Variants in GALNT18 observed in about 807,000 individuals in gnomAD.
GALNT18 encodes GalNAc-transferase 18.
In GALNT18, 44 loss-of-function variants were observed where a neutral mutation model predicts 69.5. The observed-to-expected ratio is 0.63, with a 90% CI of 0.50 to 0.81. The LOEUF is 0.81. Among genes scored for constraint, GALNT18 ranks in the 40% least tolerant of loss-of-function variants. The probability of loss-of-function intolerance (pLI) is 0.00; values close to 1 mark genes in which losing one functional copy is unlikely to be tolerated. For missense variants in GALNT18, 715 were observed against 810.0 expected, an observed-to-expected ratio of 0.88 and a Z score of 1.42; for synonymous variants, 364 against 318.2, an observed-to-expected ratio of 1.14 and a Z score of -1.53.
intron 3 of GALNT18, among the ~76,000 whole-genome samples, chr11:11,412,025 T>C (rs1186596074): frequency 6.6e-6 from 1 of 152,132 alleles, no homozygotes; most frequent in Admixed American, 6.5e-5. Flanking sequence ...GCTTGGAGCT[T>C]CTGGCCACCA....
intron 3 of GALNT18, among the ~76,000 whole-genome samples, chr11:11,416,686 T>A (rs999269478): frequency 6.6e-6 from 1 of 152,150 alleles, no homozygotes; most frequent in East Asian, 1.9e-4. Context: ...TACTCCCAGA[T>A]GGCAGCCGCC....
At chr11:11,457,674 G>A (rs946730696) in intron 1 of GALNT18, among the ~76,000 whole-genome samples, 6 of 152,190 alleles carry the variant, frequency 3.9e-5, no homozygotes, top group African/African-American at 1.4e-4. Context: ...CTCTGGGAGC[G>A]GCAGCTCTGC....
chr11:11,309,710 G>T lies in GALNT18; in HGVS notation c.1513-16517C>A, dbSNP rs907123105. On this transcript the variant is annotated intron_variant, in intron 9 of 10. Transcript: ENST00000227756. The surrounding 1 kb of genome is among the most constrained non-coding windows in gnomAD (Gnocchi z 4.6). ...AACACAACCTAGTATTACTTCTTTG[G>T]GTACCTGCTCAGCAGCTGAGCCACT... Among the ~76,000 whole-genome samples, 1 of 151,948 alleles carries T rather than the reference G, an allele frequency of 6.6e-6. No homozygotes were observed. The highest frequency in any genetic ancestry group is 6.6e-5 in the Admixed American group (1 of 15,260).
intron 1 of GALNT18, among the ~76,000 whole-genome samples, chr11:11,524,025 G>A (rs186605451): frequency 0.017 from 2,381 of 142,614 alleles, 53 homozygotes; most frequent in African/African-American, 0.051. Flanking sequence ...CAGCTAGTGC[G>A]AGGTACCAGC....
chr11:11,512,045 A>G (rs2133914880), intron 1 of GALNT18, among the ~76,000 whole-genome samples: 1 of 152,238 alleles, frequency 6.6e-6, no homozygotes, highest in East Asian at 1.9e-4. Context: ...ATACATATAC[A>G]TACACAGAGT....
Position 11,595,592 on chromosome 11 carries a change from C to A in GALNT18, c.235+25767G>T, listed in dbSNP as rs1168818278. On this transcript the variant is annotated intron_variant, in intron 1 of 10. Transcript: ENST00000227756. This position sits in a 1 kb window ranked among gnomAD's most constrained non-coding sequence, Gnocchi z 5.2. ...ACTCATTATCCTAGTGGGTGTGAAG[C>A]CATATCTCATTGTGGTTTTGATTTA... Among the ~76,000 whole-genome samples the A allele has an allele frequency of 6.6e-6, 1 of 152,188 alleles. No individual in the cohort carries two copies. Among genetic ancestry groups the A allele is most frequent in the East Asian group, 1.9e-4 (1 of 5,200 alleles).
At position 11,563,143 on chromosome 11, in the gene GALNT18, G is replaced by A. The variant is rs940882925; in HGVS notation, c.235+58216C>T. ...ACCCCACAGAGTGCCCTCAAACAGT[G>A]GAGGAGCAGCTGCTTGCAGTGGGCC... On this transcript the variant is annotated intron_variant, in intron 1 of 10. Transcript: ENST00000227756. The surrounding 1 kb of genome is among the most constrained non-coding windows in gnomAD (Gnocchi z 4.6). Among the ~76,000 whole-genome samples, 9 of 152,272 alleles carry A rather than the reference G, an allele frequency of 5.9e-5. No individual in the cohort carries two copies. The highest frequency in any genetic ancestry group is 5.9e-4 in the Admixed American group (9 of 15,300).
chr11:11,473,130 C>G (rs912232277), intron 1 of GALNT18, among the ~76,000 whole-genome samples: 6 of 152,188 alleles, frequency 3.9e-5, no homozygotes, highest in Non-Finnish European at 7.3e-5. Flanking sequence ...ACAAGGCACT[C>G]TCAACCCATC....
chr11:11,286,436 C>G (rs1381715019), intron 10 of GALNT18, among the ~76,000 whole-genome samples: 1 of 152,182 alleles, frequency 6.6e-6, no homozygotes, highest in African/African-American at 2.4e-5. Context: ...GATTTTCCAG[C>G]TAAGCAGGAC....
At chr11:11,501,014 C>G (rs767158202) in intron 1 of GALNT18, among the ~76,000 whole-genome samples, 4 of 152,224 alleles carry the variant, frequency 2.6e-5, no homozygotes, top group Non-Finnish European at 5.9e-5. Flanking sequence ...TCCAAGGAGG[C>G]TGACTGCAGA....
At chr11:11,395,844 G>C (rs1021724676) in intron 3 of GALNT18, among the ~76,000 whole-genome samples, 5 of 151,946 alleles carry the variant, frequency 3.3e-5, no homozygotes, top group Non-Finnish European at 7.4e-5. Context: ...TGGGGAAACA[G>C]GAGGGGAAAG....
chr11:11,492,578 T>A (rs12419401), intron 1 of GALNT18, among the ~76,000 whole-genome samples: 2 of 152,094 alleles, frequency 1.3e-5, no homozygotes, highest in African/African-American at 4.8e-5. Context: ...TAAAAAAGAA[T>A]GAGTTCATGT....
chr11:11,508,330 C>A (rs1362193666), intron 1 of GALNT18, among the ~76,000 whole-genome samples: 1 of 152,110 alleles, frequency 6.6e-6, no homozygotes, highest in Non-Finnish European at 1.5e-5. Flanking sequence ...TGATTAATAT[C>A]TCTTTATTAG....
chr11:11,327,276 A>C, intron 8 of GALNT18, 95 bp from the exon 9 acceptor site: 1 of 943,862 alleles, frequency 1.1e-6, no homozygotes, highest in African/African-American at 1.6e-5. Context: ...GCTGAGACAG[A>C]TTTCATGTCC....
At position 11,603,427 on chromosome 11, in the gene GALNT18, T is replaced by C. The variant is rs1481887058; in HGVS notation, c.235+17932A>G. On this transcript the variant is annotated intron_variant, in intron 1 of 10. Transcript: ENST00000227756. This position sits in a 1 kb window ranked among gnomAD's most constrained non-coding sequence, Gnocchi z 4.5. ...AGGTGGGGGAATGTATAGGGCTTTCTCTGAGACTTCATTCCCATATTTTCC... is the reference window on the plus strand; with the variant it reads ...AGGTGGGGGAATGTATAGGGCTTTCCCTGAGACTTCATTCCCATATTTTCC... 3.3e-5 allele frequency among the ~76,000 whole-genome samples: 5 copies of C among 152,172 alleles called. No homozygotes were observed.
In GALNT18 at chr11:11,583,087, G is replaced by A. The variant is rs1859125042; in HGVS notation, c.235+38272C>T. Among the ~76,000 whole-genome samples, 4 of 152,212 alleles carry A rather than the reference G, an allele frequency of 2.6e-5. No homozygotes were observed. The highest frequency in any genetic ancestry group is 2.4e-5 in the African/African-American group (1 of 41,452). The stretch of plus-strand genomic sequence containing the variant: ...ATGTGCTCTTCCATAAAAACCAGGA[G>A]GGCCAGCAAAGCCTGGTGCTTTCCA... On this transcript the variant is annotated intron_variant, in intron 1 of 10. Coordinates refer to ENST00000227756, the MANE Select transcript of GALNT18 (RefSeq NM_198516.3). This position sits in a 1 kb window ranked among gnomAD's most constrained non-coding sequence, Gnocchi z 4.7.
chr11:11,451,680 T>C (rs144399752), intron 1 of GALNT18, among the ~76,000 whole-genome samples: 2 of 152,348 alleles, frequency 1.3e-5, no homozygotes, highest in African/African-American at 4.8e-5. Context: ...CACATCTGAC[T>C]TGACCCCTGC....
At position 11,564,742 on chromosome 11, in the gene GALNT18, CA is replaced by C. The variant is rs1194122724; in HGVS notation, c.235+56616del. 6.6e-6 allele frequency among the ~76,000 whole-genome samples: 1 copy of C among 152,202 alleles called. No individual in the cohort carries two copies. Among genetic ancestry groups the C allele is most frequent in the Admixed American group, 6.5e-5 (1 of 15,278 alleles). On this transcript the variant is annotated intron_variant, in intron 1 of 10. Transcript: ENST00000227756. This position sits in a 1 kb window ranked among gnomAD's most constrained non-coding sequence, Gnocchi z 4.3. Reference sequence around the variant, plus strand: ...CACATTTGCCTAGACTATCCCTGGTCAACCTTTACTCTAGGTTGTGCTGTTG... The same window carrying C: ...CACATTTGCCTAGACTATCCCTGGTCACCTTTACTCTAGGTTGTGCTGTTG...
Position 11,377,163 on chromosome 11 carries a change from A to T in GALNT18, c.977+19T>A. The T allele has an allele frequency of 6.2e-7, 1 of 1,609,830 alleles. No individual in the cohort carries two copies. Among genetic ancestry groups the T allele is most frequent in the Admixed American group, 1.7e-5 (1 of 59,986 alleles). On this transcript the variant is annotated intron_variant, in intron 5 of 10. Coordinates refer to ENST00000227756, the MANE Select transcript of GALNT18 (RefSeq NM_198516.3). The surrounding 1 kb of genome is among the most constrained non-coding windows in gnomAD (Gnocchi z 4.6). ...TGGAGGTCAAAGCGGAGAGACCCACAGGTAAAGGTTTGCTTTACCTGATTG... is the reference window on the plus strand; with the variant it reads ...TGGAGGTCAAAGCGGAGAGACCCACTGGTAAAGGTTTGCTTTACCTGATTG...
Sources: gnomAD v4.1 joint callset for allele counts (sites outside exome capture counted in the v4.1 genomes callset) on GRCh38, gnomAD v4.1.1 for gene constraint, Gnocchi (gnomAD v3.1) non-coding constraint, MANE v1.5 for transcripts, NCBI Gene and HGNC (gene_info 2026-07-23, HGNC 2026-07-21) for gene names.